UBE2L3: variants seen among roughly 807,000 people sequenced by gnomAD.
The protein encoded by UBE2L3 is ubiquitin conjugating enzyme E2 L3.
UBE2L3 carries 1 observed loss-of-function variant against 17.8 expected under a neutral mutation model. That is an observed-to-expected ratio of 0.06 (90% CI 0.02 to 0.27). The LOEUF is 0.27. UBE2L3 is among the 10% of genes least tolerant of loss of function. The probability of loss-of-function intolerance (pLI) is 1.00; values close to 1 mark genes in which losing one functional copy is unlikely to be tolerated. For missense variants in UBE2L3, 40 were observed against 192.6 expected (o/e 0.21, Z 4.69); for synonymous variants, 44 against 68.5 (o/e 0.64, Z 1.76).
chr22:21,594,573 A>G (rs909187546), intron 2 of UBE2L3, among the ~76,000 whole-genome samples: 1 of 151,936 alleles, frequency 6.6e-6, no homozygotes, highest in Non-Finnish European at 1.5e-5. Flanking sequence ...GTTTATTTCC[A>G]TAATCATTTG....
At chr22:21,562,877 G>A (rs1358414114), upstream of UBE2L3, among the ~76,000 whole-genome samples, 1 of 151,932 alleles carries the variant, frequency 6.6e-6, no homozygotes, top group Non-Finnish European at 1.5e-5. Flanking sequence ...GCTGACTGGA[G>A]GAAGGAATAG....
chr22:21,567,814 C>G (rs368594905), intron 1 of UBE2L3, 43 bp downstream of exon 1: 25 of 1,566,348 alleles, frequency 1.6e-5, no homozygotes, highest in Non-Finnish European at 2.1e-5. Flanking sequence ...GGGGCGGCGT[C>G]CTAGGCTCCG....
At chr22:21,606,879 T>A (rs1398326445) in intron 2 of UBE2L3, among the ~76,000 whole-genome samples, 1 of 152,046 alleles carries the variant, frequency 6.6e-6, no homozygotes, top group Non-Finnish European at 1.5e-5. Context: ...TCGGTGGTGA[T>A]TCAGACCTGG....
chr22:21,560,487 A>G (rs1926395326), intron 1 of UBE2L3, among the ~76,000 whole-genome samples: 1 of 118,472 alleles, frequency 8.4e-6, no homozygotes, highest in African/African-American at 3.4e-5. Flanking sequence ...GTCTCGTTCT[A>G]TCATCCAGGC....
chr22:21,561,745 G>A (rs1467778178), intron 1 of UBE2L3, among the ~76,000 whole-genome samples: 3 of 152,164 alleles, frequency 2.0e-5, no homozygotes, highest in African/African-American at 7.2e-5. Flanking sequence ...GTGTGATGTG[G>A]CACAGCACTG....
chr22:21,595,226 C>T (rs1051138803), intron 2 of UBE2L3, among the ~76,000 whole-genome samples: 2 of 152,242 alleles, frequency 1.3e-5, no homozygotes, highest in Non-Finnish European at 2.9e-5. Flanking sequence ...TATACCACTT[C>T]TTCTCGGTCC....
At chr22:21,580,248 C>A (rs1371956508) in intron 1 of UBE2L3, among the ~76,000 whole-genome samples, 1 of 152,162 alleles carries the variant, frequency 6.6e-6, no homozygotes, top group African/African-American at 2.4e-5. Flanking sequence ...TATACAAGTT[C>A]TTTGACTTGG....
intron 1 of UBE2L3, among the ~76,000 whole-genome samples, chr22:21,573,062 C>T (rs1179629426): frequency 3.3e-5 from 5 of 152,114 alleles, no homozygotes; most frequent in Non-Finnish European, 7.3e-5. Context: ...ACACCTGCAT[C>T]GAGCTCCTTA....
At chr22:21,606,022 T>C (rs371418033) in intron 2 of UBE2L3, among the ~76,000 whole-genome samples, 130 of 152,342 alleles carry the variant, frequency 8.5e-4, no homozygotes, top group African/African-American at 3.1e-3. Context: ...GACTTTATAG[T>C]CCTTATCTCT....
At chr22:21,600,483 G>T (rs1269069441) in intron 2 of UBE2L3, among the ~76,000 whole-genome samples, 1 of 152,032 alleles carries the variant, frequency 6.6e-6, no homozygotes, top group African/African-American at 2.4e-5. Flanking sequence ...ATCACTTGAG[G>T]TCGGGAGTTC....
intron 1 of UBE2L3, among the ~76,000 whole-genome samples, chr22:21,581,204 C>A (rs942960589): frequency 1.6e-4 from 24 of 152,052 alleles, no homozygotes; most frequent in African/African-American, 5.6e-4. Flanking sequence ...TATAGGTGAA[C>A]ACTACCATGC....
At chr22:21,559,884 GCA>G (rs1476889539) in intron 1 of UBE2L3, among the ~76,000 whole-genome samples, 1 of 152,302 alleles carries the variant, frequency 6.6e-6, no homozygotes, top group Non-Finnish European at 1.5e-5. Flanking sequence ...TCATCCCCCA[GCA>G]CTGGATGGGG....
intron 2 of UBE2L3, among the ~76,000 whole-genome samples, chr22:21,603,615 G>C (rs968201787): frequency 6.6e-6 from 1 of 150,890 alleles, no homozygotes; most frequent in Non-Finnish European, 1.5e-5. Context: ...AGGCTGAGGC[G>C]GGCGGATCAT....
intron 1 of UBE2L3, among the ~76,000 whole-genome samples, chr22:21,569,564 T>C (rs952185686): frequency 6.6e-6 from 1 of 152,144 alleles, no homozygotes; most frequent in African/African-American, 2.4e-5. Context: ...AACTCAATTC[T>C]TTCACTCCTG....
At chr22:21,559,219 G>T (rs452947) in intron 1 of UBE2L3, among the ~76,000 whole-genome samples, 10 of 152,258 alleles carry the variant, frequency 6.6e-5, no homozygotes, top group East Asian at 5.8e-4. Context: ...GTGGTGGCAG[G>T]TGCCTGTAAT....
At chr22:21,587,788 C>T (rs1412999193) in intron 1 of UBE2L3, among the ~76,000 whole-genome samples, 1 of 152,216 alleles carries the variant, frequency 6.6e-6, no homozygotes, top group Non-Finnish European at 1.5e-5. Flanking sequence ...CCATCCCTCT[C>T]TGCCATGCTT....
intron 3 of UBE2L3, among the ~76,000 whole-genome samples, chr22:21,616,302 T>C (rs5998690): frequency 4.6e-5 from 7 of 152,122 alleles, no homozygotes; most frequent in African/African-American, 1.7e-4. Flanking sequence ...TGTCAGGGTC[T>C]AGGAGGAGGA....
At chr22:21,603,954 G>A (rs1321897043) in intron 2 of UBE2L3, among the ~76,000 whole-genome samples, 1 of 139,634 alleles carries the variant, frequency 7.2e-6, no homozygotes, top group Non-Finnish European at 1.5e-5. Flanking sequence ...CACTCTTGCC[G>A]AGGCTGGAAT....
At chr22:21,602,874 G>C (rs777532282) in intron 2 of UBE2L3, among the ~76,000 whole-genome samples, 19 of 152,268 alleles carry the variant, frequency 1.2e-4, no homozygotes, top group Non-Finnish European at 2.5e-4. Flanking sequence ...CTGCAGATGT[G>C]GGGGGTTGTG....
Sources: gnomAD v4.1 joint callset for allele counts (sites outside exome capture counted in the v4.1 genomes callset) on GRCh38, gnomAD v4.1.1 for gene constraint, MANE v1.5 for transcripts, NCBI Gene and HGNC (gene_info 2026-07-23, HGNC 2026-07-21) for gene names.